Variants in NKAIN2 observed in about 807,000 individuals in gnomAD.
The protein encoded by NKAIN2 is sodium/potassium transporting ATPase interacting 2.
In NKAIN2, 14 loss-of-function variants were observed where a neutral mutation model predicts 32.6. The ratio of observed to expected loss-of-function variants is 0.43; its 90% CI spans 0.28 to 0.67. The LOEUF (loss-of-function observed/expected upper bound fraction) is 0.67. NKAIN2 is among the 30% of genes least tolerant of loss of function. The pLI is 0.17. For missense variants in NKAIN2, 198 were observed against 258.3 expected, an observed-to-expected ratio of 0.77 and a Z score of 1.60; for synonymous variants, 80 against 87.2, an observed-to-expected ratio of 0.92 and a Z score of 0.46.
At chr6:124,160,106 C>T (rs1031756870) in intron 1 of NKAIN2, among the ~76,000 whole-genome samples, 1 of 152,100 alleles carries the variant, frequency 6.6e-6, no homozygotes, top group African/African-American at 2.4e-5. Context: ...AGAGTACAAT[C>T]GGGAAAAGAG....
chr6:124,403,432 T>G (rs1367301236), intron 3 of NKAIN2, among the ~76,000 whole-genome samples: 1 of 152,190 alleles, frequency 6.6e-6, no homozygotes, highest in Non-Finnish European at 1.5e-5. Flanking sequence ...CCAGTTCCAG[T>G]AGCTTTTACT....
intron 2 of NKAIN2, among the ~76,000 whole-genome samples, chr6:124,329,912 C>T (rs184903263): frequency 6.8e-4 from 104 of 152,220 alleles, no homozygotes; most frequent in African/African-American, 2.4e-3. Flanking sequence ...TCTTCTAAAG[C>T]TTATAAGCAG....
intron 2 of NKAIN2, among the ~76,000 whole-genome samples, chr6:124,326,275 T>A (rs1797407898): frequency 6.6e-6 from 1 of 152,134 alleles, no homozygotes; most frequent in Non-Finnish European, 1.5e-5. Context: ...GCCACTTTTT[T>A]ATGGTGATTT....
At chr6:124,183,448 T>C (rs1789552436) in intron 1 of NKAIN2, among the ~76,000 whole-genome samples, 2 of 152,088 alleles carry the variant, frequency 1.3e-5, no homozygotes, top group African/African-American at 4.8e-5. Context: ...AGTCTCTGTA[T>C]TGAGCATGTT....
Position 124,292,295 on chromosome 6 carries a change from T to C in NKAIN2, c.192+9153T>C, listed in dbSNP as rs184195376. On this transcript the variant is annotated intron_variant, in intron 2 of 6. Coordinates refer to ENST00000368417, the MANE Select transcript of NKAIN2 (RefSeq NM_001040214.3). Reference sequence around the variant, plus strand: ...TTTGTCTCTTTCTCCTCCATACATATTATAGACTGGCAATTGCTTCATTCT... The same window carrying C: ...TTTGTCTCTTTCTCCTCCATACATACTATAGACTGGCAATTGCTTCATTCT... Among the ~76,000 whole-genome samples, 5 of 152,108 alleles carry C rather than the reference T, an allele frequency of 3.3e-5. 1 individual carries two copies. The East Asian group carries it at 9.6e-4, about 29-fold the overall frequency.
Position 124,732,124 on chromosome 6 carries a change from A to G in NKAIN2, c.475-59215A>G, listed in dbSNP as rs567554180. On this transcript the variant is annotated intron_variant, in intron 4 of 6. Coordinates refer to ENST00000368417, the MANE Select transcript of NKAIN2 (RefSeq NM_001040214.3). ...CATGAAAATTCCATAGAACTTTAAA[A>G]TAGAGATGAGAAAAAAAAATCATCT... Among the ~76,000 whole-genome samples the G allele has an allele frequency of 1.5e-3, 227 of 152,146 alleles. 3 individuals carry two copies. The highest frequency in any genetic ancestry group is 5.3e-3 in the African/African-American group (218 of 41,516).
At chr6:124,653,282 T>TTAAACCAGTG (rs1326155213) in intron 3 of NKAIN2, among the ~76,000 whole-genome samples, 1 of 151,944 alleles carries the variant, frequency 6.6e-6, no homozygotes, top group Non-Finnish European at 1.5e-5. Flanking sequence ...CAGTGTGGTA[T>TTAAACCAGTG]TGGCAAAAGA....
intron 1 of NKAIN2, among the ~76,000 whole-genome samples, chr6:124,135,356 CAAGT>C (rs1786707987): frequency 6.6e-6 from 1 of 151,684 alleles, no homozygotes; most frequent in Non-Finnish European, 1.5e-5. Context: ...TTCCACCAAC[CAAGT>C]ATCTGCTATC....
chr6:124,348,195 A>G (rs901334818), intron 2 of NKAIN2, among the ~76,000 whole-genome samples: 20 of 152,098 alleles, frequency 1.3e-4, no homozygotes, highest in African/African-American at 4.6e-4. Flanking sequence ...TTCCTCTGGA[A>G]GTTTTGTCTC....
At chr6:124,679,590 T>C (rs2114499637) in intron 4 of NKAIN2, among the ~76,000 whole-genome samples, 1 of 152,290 alleles carries the variant, frequency 6.6e-6, no homozygotes. Context: ...AACTGGTTTG[T>C]TGATTACTCA....
intron 1 of NKAIN2, among the ~76,000 whole-genome samples, chr6:123,833,801 C>T (rs1379141109): frequency 6.7e-6 from 1 of 150,014 alleles, no homozygotes; most frequent in Non-Finnish European, 1.5e-5. Context: ...GATCTCGGCT[C>T]ACTGCAACCT....
intron 4 of NKAIN2, among the ~76,000 whole-genome samples, chr6:124,710,933 C>G (rs1006302786): frequency 1.3e-5 from 2 of 151,158 alleles, no homozygotes; most frequent in African/African-American, 4.9e-5. Context: ...TCTCGATGGT[C>G]TTTACGTTTT....
At chr6:124,272,318 C>T (rs920817365) in intron 1 of NKAIN2, among the ~76,000 whole-genome samples, 1 of 152,182 alleles carries the variant, frequency 6.6e-6, no homozygotes, top group Non-Finnish European at 1.5e-5. Flanking sequence ...CACTTGGTGT[C>T]CTGCATCCCA....
intron 1 of NKAIN2, among the ~76,000 whole-genome samples, chr6:124,060,726 G>C (rs189515928): frequency 2.0e-5 from 3 of 152,098 alleles, no homozygotes; most frequent in Admixed American, 2.0e-4. Flanking sequence ...AGCAGACTAG[G>C]TACAACTTAA....
intron 1 of NKAIN2, among the ~76,000 whole-genome samples, chr6:123,970,797 G>C (rs1003461209): frequency 6.6e-6 from 1 of 152,010 alleles, no homozygotes; most frequent in African/African-American, 2.4e-5. Context: ...CAGGAGAATT[G>C]CTTGAACCCA....
At chr6:124,424,668 A>G (rs1242331377) in intron 3 of NKAIN2, among the ~76,000 whole-genome samples, 2 of 152,010 alleles carry the variant, frequency 1.3e-5, no homozygotes, top group African/African-American at 4.8e-5. Context: ...GAGATCATGC[A>G]ATGTTTTTCT....
At chr6:124,282,973 G>A in intron 1 of NKAIN2, 32 bp from the exon 2 acceptor site, 1 of 1,608,106 alleles carries the variant, frequency 6.2e-7, no homozygotes, top group Non-Finnish European at 8.5e-7. Context: ...TTTCTCACAT[G>A]CTGATCTGTC....
chr6:124,052,582 A>C (rs1001962071), intron 1 of NKAIN2, among the ~76,000 whole-genome samples: 10 of 152,100 alleles, frequency 6.6e-5, no homozygotes, highest in African/African-American at 2.4e-4. Flanking sequence ...TAAAATGAAA[A>C]AATGAGTAAA....
At chr6:124,532,082 T>C (rs1013966074) in intron 3 of NKAIN2, among the ~76,000 whole-genome samples, 9 of 152,122 alleles carry the variant, frequency 5.9e-5, no homozygotes, top group Non-Finnish European at 1.3e-4. Flanking sequence ...GATGTAAACG[T>C]TGGGGTGCTT....
Sources: allele counts gnomAD v4.1 joint callset (sites outside exome capture counted in the v4.1 genomes callset), GRCh38; gene constraint gnomAD v4.1.1; transcripts MANE v1.5; gene names NCBI Gene and HGNC (gene_info 2026-07-23, HGNC 2026-07-21).